The following RAP1B variants were observed in gnomAD, a reference collection of about 807,000 sequenced individuals.
The protein encoded by RAP1B is ras-related protein Rap-1b.
Under a neutral mutation model 27.5 loss-of-function variants are expected in RAP1B, and 1 was observed. The ratio of observed to expected loss-of-function variants is 0.04; its 90% CI spans 0.01 to 0.17. The LOEUF is 0.17. RAP1B is among the 10% of genes least tolerant of loss of function. The probability of loss-of-function intolerance (pLI) is 1.00; values close to 1 mark genes in which losing one functional copy is unlikely to be tolerated. For synonymous variants in RAP1B, 75 were observed against 73.1 expected, an observed-to-expected ratio of 1.03 and a Z score of -0.13; for missense variants, 84 against 214.8, an observed-to-expected ratio of 0.39 and a Z score of 3.81.
At chr12:68,647,555 A>G (rs1201306344) in intron 1 of RAP1B, among the ~76,000 whole-genome samples, 1 of 150,900 alleles carries the variant, frequency 6.6e-6, no homozygotes, top group Non-Finnish European at 1.5e-5. Flanking sequence ...CTGGTCAGAT[A>G]CACTGCTCTT....
rs112638624 is a variant in RAP1B at position 68,654,351 on chromosome 12, T to TG, written c.324+109dup. 103,359 of 163,856 alleles carry TG rather than the reference T, an allele frequency of 0.63. 34,392 individuals carry two copies. Among genetic ancestry groups the TG allele is most frequent in the East Asian group, 0.78 (3,745 of 4,816 alleles). 10.2% of individuals were successfully genotyped at this position (163,856 alleles called of 1,614,324 possible). A position where few individuals can be genotyped will look rare whatever the true frequency, so the allele number is the denominator to read the frequency against. ...CATTTTAAAGCTTGTGTATTTTGGTTGGGGGGGGGGTGTTGGTTTTTTTAA... is the reference window on the plus strand; with the variant it reads ...CATTTTAAAGCTTGTGTATTTTGGTTGGGGGGGGGGGTGTTGGTTTTTTTAA... On this transcript the variant is annotated intron_variant, in intron 5 of 7. Coordinates refer to ENST00000250559, the MANE Select transcript of RAP1B (RefSeq NM_001010942.3).
intron 1 of RAP1B, among the ~76,000 whole-genome samples, chr12:68,611,840 A>C (rs763267544): frequency 2.6e-5 from 4 of 152,210 alleles, no homozygotes; most frequent in Admixed American, 6.5e-5. Context: ...CGAGGTGTCT[A>C]ATCCTAAAAC....
chr12:68,630,293 C>T (rs976882613), intron 1 of RAP1B, among the ~76,000 whole-genome samples: 3 of 152,316 alleles, frequency 2.0e-5, no homozygotes, highest in African/African-American at 4.8e-5. Context: ...AGTCTCTTAT[C>T]ACAACCATTC....
chr12:68,619,360 T>C (rs1262131872), intron 1 of RAP1B, among the ~76,000 whole-genome samples: 2 of 152,222 alleles, frequency 1.3e-5, no homozygotes, highest in Non-Finnish European at 2.9e-5. Flanking sequence ...TTGTATCAGC[T>C]GCTGTAAGTA....
chr12:68,632,365 C>G (rs1284186646), intron 1 of RAP1B, among the ~76,000 whole-genome samples: 2 of 151,914 alleles, frequency 1.3e-5, no homozygotes, highest in Admixed American at 6.6e-5. Context: ...AACTCCTGGC[C>G]TCAAGTGATC....
intron 1 of RAP1B, among the ~76,000 whole-genome samples, chr12:68,629,021 G>C (rs1361506150): frequency 6.6e-6 from 1 of 151,928 alleles, no homozygotes; most frequent in Non-Finnish European, 1.5e-5. Flanking sequence ...CTATCTGTCT[G>C]TCTGTCTGTC....
chr12:68,658,479 TA>T (rs1482163961), intron 7 of RAP1B, among the ~76,000 whole-genome samples: 2 of 152,238 alleles, frequency 1.3e-5, no homozygotes, highest in Non-Finnish European at 2.9e-5. Flanking sequence ...GCCACATATG[TA>T]TTAACAACTC....
At chr12:68,631,286 T>G (rs1232469286) in intron 1 of RAP1B, among the ~76,000 whole-genome samples, 1 of 152,208 alleles carries the variant, frequency 6.6e-6, no homozygotes, top group Admixed American at 6.5e-5. Flanking sequence ...GTTTCTTCCA[T>G]TTGGTATGCT....
intron 1 of RAP1B, among the ~76,000 whole-genome samples, chr12:68,620,102 C>A (rs573430238): frequency 6.6e-6 from 1 of 150,806 alleles, no homozygotes; most frequent in Admixed American, 6.6e-5. Context: ...TGTTGTCTTA[C>A]CTTAAGTAGA....
At chr12:68,622,496 G>A (rs935088328) in intron 1 of RAP1B, among the ~76,000 whole-genome samples, 3 of 152,204 alleles carry the variant, frequency 2.0e-5, no homozygotes, top group Admixed American at 2.0e-4. Context: ...CTAGCCAGCT[G>A]TACTTCTTTC....
chr12:68,627,398 A>T lies in RAP1B; in HGVS notation c.-27+16355A>T. ...CAGCAGGGTGTTTTTTAAAACACAC[A>T]AATATACCCAATCCCTACTAGAATG... On this transcript the variant is annotated intron_variant, in intron 1 of 7. Transcript: ENST00000250559. 8.6e-6 allele frequency: 5 copies of T among 581,622 alleles called. No individual in the cohort carries two copies. The South Asian group carries it at 9.1e-5, about 11-fold the overall frequency. 36.0% of individuals were successfully genotyped at this position (581,622 alleles called of 1,614,324 possible). A position where few individuals can be genotyped will look rare whatever the true frequency, so the allele number is the denominator to read the frequency against.
chr12:68,627,387 T>C lies in RAP1B; in HGVS notation c.-27+16344T>C. On this transcript the variant is annotated intron_variant, in intron 1 of 7. Coordinates refer to ENST00000250559, the MANE Select transcript of RAP1B (RefSeq NM_001010942.3). ...TTAATAGGCTGCAGCAGGGTGTTTT[T>C]TAAAACACACAAATATACCCAATCC... The C allele has an allele frequency of 9.7e-6, 6 of 618,938 alleles. No individual in the cohort carries two copies. In the South Asian group the frequency reaches 1.0e-4, roughly 11 times the overall value. 38.3% of individuals were successfully genotyped at this position (618,938 alleles called of 1,614,324 possible).
intron 3 of RAP1B, 191 bp from the exon 4 acceptor site, chr12:68,651,804 A>G: frequency 1.9e-6 from 1 of 523,006 alleles, no homozygotes; most frequent in Non-Finnish European, 3.5e-6. Context: ...ACTTGATTAC[A>G]ATTTGGGGGT....
At chr12:68,627,113 A>T (rs1871851047) in intron 1 of RAP1B, 2 of 1,589,082 alleles carry the variant, frequency 1.3e-6, no homozygotes, top group East Asian at 4.5e-5. Flanking sequence ...TGGAGATGAT[A>T]ACTTGGCCAG....
intron 1 of RAP1B, among the ~76,000 whole-genome samples, chr12:68,619,390 A>G (rs1490962598): frequency 6.6e-6 from 1 of 152,254 alleles, no homozygotes; most frequent in Non-Finnish European, 1.5e-5. Context: ...ATCTGTCATT[A>G]TTTGATTATC....
At chr12:68,626,678 A>G (rs1284853516) in intron 1 of RAP1B, among the ~76,000 whole-genome samples, 1 of 152,142 alleles carries the variant, frequency 6.6e-6, no homozygotes, top group Non-Finnish European at 1.5e-5. Flanking sequence ...AGGCAAAAAG[A>G]TGAATAAAAT....
chr12:68,626,756 A>C, intron 1 of RAP1B: 2 of 1,010,106 alleles, frequency 2.0e-6, no homozygotes, highest in Non-Finnish European at 2.9e-6. Context: ...GGAAGGTAGT[A>C]TCAGAATTTT....
At chr12:68,655,840 T>C (rs1378844178) in intron 5 of RAP1B, among the ~76,000 whole-genome samples, 1 of 152,210 alleles carries the variant, frequency 6.6e-6, no homozygotes, top group African/African-American at 2.4e-5. Flanking sequence ...CTGGCCTTGA[T>C]TGACTTTTTT....
chr12:68,627,122 A>G, intron 1 of RAP1B: 2 of 1,586,286 alleles, frequency 1.3e-6, no homozygotes, highest in Non-Finnish European at 1.7e-6. Context: ...TAACTTGGCC[A>G]GTGTGAACCC....
Sources: allele counts gnomAD v4.1 joint callset (sites outside exome capture counted in the v4.1 genomes callset), GRCh38; gene constraint gnomAD v4.1.1; transcripts MANE v1.5; gene names NCBI Gene and HGNC (gene_info 2026-07-23, HGNC 2026-07-21).